KPNA4: variants seen among roughly 807,000 people sequenced by gnomAD.
The protein encoded by KPNA4 is importin subunit alpha-3.
KPNA4 carries 13 observed loss-of-function variants against 71.3 expected under a neutral mutation model. That is an observed-to-expected ratio of 0.18 (90% confidence interval 0.12 to 0.29). The LOEUF (loss-of-function observed/expected upper bound fraction) is 0.29. Ranked by LOEUF, KPNA4 falls within the 10% of genes least tolerant of loss-of-function variation. The probability of loss-of-function intolerance (pLI) is 1.00; values close to 1 mark genes in which losing one functional copy is unlikely to be tolerated. For synonymous variants in KPNA4, 189 were observed against 195.2 expected, an observed-to-expected ratio of 0.97 and a Z score of 0.26; for missense variants, 334 against 603.2, an observed-to-expected ratio of 0.55 and a Z score of 4.67.
chr3:160,518,180 T>C (rs888063200), intron 11 of KPNA4, among the ~76,000 whole-genome samples: 4 of 150,820 alleles, frequency 2.7e-5, no homozygotes, highest in African/African-American at 9.8e-5. Context: ...CAGGCTGGAG[T>C]GCAGTGGCGC....
chr3:160,517,430 T>C (rs1312752360), intron 11 of KPNA4, among the ~76,000 whole-genome samples: 1 of 152,130 alleles, frequency 6.6e-6, no homozygotes, highest in Non-Finnish European at 1.5e-5. Context: ...TGCTTGTGTA[T>C]AAATTTTTGT....
chr3:160,530,009 C>A (rs755946089), intron 7 of KPNA4, among the ~76,000 whole-genome samples: 2 of 151,646 alleles, frequency 1.3e-5, no homozygotes, highest in Admixed American at 6.6e-5. Flanking sequence ...GTGGTGGGCG[C>A]CTGTAGCCCC....
rs1293005952 is a variant in KPNA4 at position 160,535,584 on chromosome 3, T to C, written c.235-19A>G. 5.0e-6 allele frequency: 8 copies of C among 1,586,792 alleles called. No individual in the cohort carries two copies. Among genetic ancestry groups the C allele is most frequent in the Non-Finnish European group, 5.2e-6 (6 of 1,164,604 alleles). On this transcript the variant is annotated intron_variant, in intron 4 of 16. Coordinates refer to ENST00000334256, the MANE Select transcript of KPNA4 (RefSeq NM_002268.5). ...AAGCATTCTATAAAAAATAAAATAA[T>C]TTATGATGTAAATATATCACGATTA... is the stretch of plus-strand genomic sequence containing the variant.
chr3:160,557,514 T>TA (rs1457507529), intron 1 of KPNA4, among the ~76,000 whole-genome samples: 3 of 152,152 alleles, frequency 2.0e-5, no homozygotes, highest in East Asian at 1.9e-4. Context: ...CTTTTGTTAG[T>TA]AAAAAAATTC....
chr3:160,533,316 G>A (rs1461660247), intron 5 of KPNA4, among the ~76,000 whole-genome samples: 1 of 151,978 alleles, frequency 6.6e-6, no homozygotes, highest in Non-Finnish European at 1.5e-5. Context: ...TTAAGCCACC[G>A]CGCCCAGCCC....
chr3:160,522,609 C>T (rs1031044739), intron 10 of KPNA4, among the ~76,000 whole-genome samples: 3 of 152,136 alleles, frequency 2.0e-5, no homozygotes, highest in Non-Finnish European at 4.4e-5. Flanking sequence ...AGGCGCATGC[C>T]GCAACGCCTG....
chr3:160,514,589 A>G (rs1174367059), intron 12 of KPNA4, among the ~76,000 whole-genome samples: 2 of 152,196 alleles, frequency 1.3e-5, no homozygotes, highest in African/African-American at 2.4e-5. Context: ...TTTATTCTCT[A>G]TTCTATTCTG....
At chr3:160,547,239 G>A (rs1265713914) in intron 1 of KPNA4, among the ~76,000 whole-genome samples, 1 of 152,054 alleles carries the variant, frequency 6.6e-6, no homozygotes, top group African/African-American at 2.4e-5. Context: ...TATGAATACT[G>A]CTAAAATCTC....
At chr3:160,535,411 C>G in intron 5 of KPNA4, 102 bp downstream of exon 5, 1 of 701,240 alleles carries the variant, frequency 1.4e-6, no homozygotes, top group Non-Finnish European at 2.4e-6. Flanking sequence ...TGTTTGTCAT[C>G]AAGTTAAATT....
intron 1 of KPNA4, among the ~76,000 whole-genome samples, chr3:160,551,703 C>CAA (rs1340298394): frequency 6.6e-6 from 1 of 152,156 alleles, no homozygotes; most frequent in East Asian, 1.9e-4. Flanking sequence ...AGCAAACACT[C>CAA]AAATATCTGT....
At chr3:160,557,655 A>G (rs1722168181) in intron 1 of KPNA4, among the ~76,000 whole-genome samples, 1 of 152,202 alleles carries the variant, frequency 6.6e-6, no homozygotes, top group Admixed American at 6.5e-5. Context: ...AAACAGTAAT[A>G]GAAAATAAGT....
At chr3:160,542,436 T>C (rs529217990) in intron 1 of KPNA4, among the ~76,000 whole-genome samples, 4 of 152,354 alleles carry the variant, frequency 2.6e-5, no homozygotes, top group South Asian at 2.1e-4. Context: ...GCAAACTGCA[T>C]GTAATTAGCA....
At chr3:160,534,009 T>C (rs1721630450) in intron 5 of KPNA4, among the ~76,000 whole-genome samples, 1 of 152,226 alleles carries the variant, frequency 6.6e-6, no homozygotes, top group Admixed American at 6.5e-5. Context: ...GTTCTGAGAT[T>C]TTTCTGCCTA....
chr3:160,541,419 G>A (rs906952930), intron 1 of KPNA4, among the ~76,000 whole-genome samples: 7 of 151,324 alleles, frequency 4.6e-5, no homozygotes, highest in Non-Finnish European at 1.0e-4. Flanking sequence ...TGATACCTTG[G>A]GAAGGTTAAT....
chr3:160,524,048 T>C (rs1350905408), intron 10 of KPNA4, among the ~76,000 whole-genome samples: 2 of 152,194 alleles, frequency 1.3e-5, no homozygotes, highest in African/African-American at 4.8e-5. Flanking sequence ...TTAAAGGACA[T>C]GTCACTAATA....
chr3:160,563,071 T>C (rs1477194777), intron 1 of KPNA4, among the ~76,000 whole-genome samples: 1 of 152,190 alleles, frequency 6.6e-6, no homozygotes, highest in African/African-American at 2.4e-5. Context: ...ACAAAAATGT[T>C]CTTAGTAGTA....
chr3:160,561,159 T>C (rs1722236808), intron 1 of KPNA4, among the ~76,000 whole-genome samples: 1 of 142,156 alleles, frequency 7.0e-6, no homozygotes. Context: ...TTAGGGTAAG[T>C]TGTTTTCTTA....
chr3:160,523,500 A>G (rs1721399354), intron 10 of KPNA4, among the ~76,000 whole-genome samples: 1 of 152,216 alleles, frequency 6.6e-6, no homozygotes, highest in Non-Finnish European at 1.5e-5. Context: ...ATTGTTTCTT[A>G]GGAAATTCAA....
intron 16 of KPNA4, among the ~76,000 whole-genome samples, chr3:160,504,582 T>C (rs537266594): frequency 4.3e-4 from 66 of 152,290 alleles, no homozygotes; most frequent in Non-Finnish European, 7.9e-4. Context: ...TGACAACCCA[T>C]CAAGTGTGGA....
Sources: gnomAD v4.1 joint callset for allele counts (sites outside exome capture counted in the v4.1 genomes callset) on GRCh38, gnomAD v4.1.1 for gene constraint, MANE v1.5 for transcripts, NCBI Gene and HGNC (gene_info 2026-07-23, HGNC 2026-07-21) for gene names.